Variants in GRIK2 observed in about 807,000 individuals in gnomAD.
GRIK2 encodes glutamate ionotropic receptor kainate type subunit 2.
GRIK2 carries 32 observed loss-of-function variants against 100.3 expected under a neutral mutation model. The ratio of observed to expected loss-of-function variants is 0.32; its 90% CI spans 0.24 to 0.43. The LOEUF is 0.43. Ranked by LOEUF, GRIK2 falls within the 20% of genes least tolerant of loss-of-function variation. The pLI is 1.00. For synonymous variants in GRIK2, 417 were observed against 389.4 expected (o/e 1.07, Z -0.83); for missense variants, 843 against 1,114.9 (o/e 0.76, Z 3.47).
At chr6:101,692,546 A>G (rs1415508021) in intron 7 of GRIK2, among the ~76,000 whole-genome samples, 1 of 152,100 alleles carries the variant, frequency 6.6e-6, no homozygotes, top group Non-Finnish European at 1.5e-5. Flanking sequence ...CTTTGTTGAT[A>G]TAACAATTAT....
intron 14 of GRIK2, among the ~76,000 whole-genome samples, chr6:101,947,254 C>T (rs945163298): frequency 6.6e-6 from 1 of 152,034 alleles, no homozygotes; most frequent in African/African-American, 2.4e-5. Flanking sequence ...GGTGATTCTT[C>T]TTCCTATTCT....
chr6:101,738,272 TAATTGTAATTGTC>T (rs137908557), intron 7 of GRIK2, among the ~76,000 whole-genome samples: 10,950 of 141,506 alleles, frequency 0.077, 447 homozygotes, highest in East Asian at 0.16. Flanking sequence ...ATGTCAATTG[TAATTGTAATTGTC>T]AATTGTAATT....
At chr6:101,749,803 C>CTTTTTTTT (rs989554915) in intron 7 of GRIK2, among the ~76,000 whole-genome samples, 33 of 92,550 alleles carry the variant, frequency 3.6e-4, no homozygotes, top group African/African-American at 1.1e-3. Flanking sequence ...GTGCCAGTTT[C>CTTTTTTTT]TTTTTTTTTT....
chr6:101,418,030 C>G lies in GRIK2; in HGVS notation c.115+18638C>G, dbSNP rs145811108. ...ATGCAGAGTTCTGTGTGTTTATTGACTACTAGCGTCAGCTTCTGTGCAGCT... is the reference window on the plus strand; with the variant it reads ...ATGCAGAGTTCTGTGTGTTTATTGAGTACTAGCGTCAGCTTCTGTGCAGCT... On this transcript the variant is annotated intron_variant, in intron 2 of 16. Transcript: ENST00000369134. 2.0e-5 allele frequency among the ~76,000 whole-genome samples: 3 copies of G among 152,308 alleles called. No homozygotes were observed. In the East Asian group the frequency reaches 5.8e-4, roughly 29 times the overall value.
chr6:101,509,020 TG>T (rs1442957246), intron 2 of GRIK2, among the ~76,000 whole-genome samples: 3 of 151,730 alleles, frequency 2.0e-5, no homozygotes, highest in Non-Finnish European at 4.4e-5. Flanking sequence ...AAGCTGGGCA[TG>T]GGGGCGGGCA....
intron 10 of GRIK2, among the ~76,000 whole-genome samples, chr6:101,825,619 TTTATG>T (rs1319299133): frequency 1.3e-5 from 2 of 152,080 alleles, no homozygotes; most frequent in African/African-American, 4.8e-5. Context: ...CAGTTTTGCC[TTTATG>T]TTATTTTTTA....
At chr6:101,422,550 T>C (rs1037406658) in intron 2 of GRIK2, among the ~76,000 whole-genome samples, 4 of 152,064 alleles carry the variant, frequency 2.6e-5, no homozygotes, top group Non-Finnish European at 5.9e-5. Flanking sequence ...CCTGATGAAG[T>C]CCTTTTTGTT....
chr6:101,928,159 G>T, intron 13 of GRIK2: 8 of 445,542 alleles, frequency 1.8e-5, no homozygotes, highest in East Asian at 7.4e-5. Context: ...TATTTTAATT[G>T]GAACTTTGCA....
intron 10 of GRIK2, among the ~76,000 whole-genome samples, chr6:101,846,110 G>T (rs1439503203): frequency 6.6e-6 from 1 of 151,332 alleles, no homozygotes; most frequent in African/African-American, 2.4e-5. Context: ...TCTTTAGTTT[G>T]TCTTTTCATT....
At chr6:101,636,095 A>T (rs1780995995) in intron 4 of GRIK2, among the ~76,000 whole-genome samples, 1 of 152,170 alleles carries the variant, frequency 6.6e-6, no homozygotes, top group South Asian at 2.1e-4. Flanking sequence ...AGACAGAATC[A>T]ACCCAAATGC....
chr6:101,857,278 TG>T lies in GRIK2; in HGVS notation c.1318-2007del, dbSNP rs112216256. ...AGTCCAGCAGAGCAGGGAGATAAAA[TG>T]GTCATTCTAAAAATCAGGTGAAGAT... On this transcript the variant is annotated intron_variant, in intron 10 of 16. Transcript: ENST00000369134. 1.9e-3 allele frequency among the ~76,000 whole-genome samples: 294 copies of T among 152,222 alleles called. 3 individuals are homozygous for T. Among genetic ancestry groups the T allele is most frequent in the African/African-American group, 6.6e-3 (275 of 41,538 alleles).
chr6:101,627,654 G>C (rs1780525745), intron 4 of GRIK2, among the ~76,000 whole-genome samples: 1 of 152,102 alleles, frequency 6.6e-6, no homozygotes, highest in South Asian at 2.1e-4. Flanking sequence ...CTCATATGTG[G>C]AACAATATAA....
At chr6:101,692,797 C>A (rs1772203002) in intron 7 of GRIK2, among the ~76,000 whole-genome samples, 1 of 151,922 alleles carries the variant, frequency 6.6e-6, no homozygotes, top group East Asian at 1.9e-4. Flanking sequence ...GTTGTTACCA[C>A]AGAAAAAACA....
chr6:101,753,150 CG>C (rs1776896283), intron 7 of GRIK2, among the ~76,000 whole-genome samples: 2 of 151,792 alleles, frequency 1.3e-5, no homozygotes, highest in Non-Finnish European at 2.9e-5. Context: ...GGCGTGGTGG[CG>C]GGCGCCTGTA....
At chr6:101,707,416 A>G (rs1293459691) in intron 7 of GRIK2, among the ~76,000 whole-genome samples, 1 of 148,180 alleles carries the variant, frequency 6.7e-6, no homozygotes, top group Admixed American at 6.8e-5. Context: ...CAGTATACAT[A>G]TATAAATATA....
At chr6:101,850,469 C>A (rs1269331272) in intron 10 of GRIK2, among the ~76,000 whole-genome samples, 2 of 152,012 alleles carry the variant, frequency 1.3e-5, no homozygotes, top group East Asian at 3.9e-4. Flanking sequence ...ATGAGTAAGA[C>A]ACTGATATCT....
chr6:102,006,524 C>T (rs1392662674), intron 14 of GRIK2, among the ~76,000 whole-genome samples: 1 of 151,502 alleles, frequency 6.6e-6, no homozygotes, highest in Non-Finnish European at 1.5e-5. Context: ...TACACCTCCA[C>T]TCCTGGCTAA....
At chr6:101,428,499 A>G (rs992838361) in intron 2 of GRIK2, among the ~76,000 whole-genome samples, 33 of 152,226 alleles carry the variant, frequency 2.2e-4, no homozygotes, top group African/African-American at 8.0e-4. Flanking sequence ...GGATTAAAGA[A>G]TATCACATTC....
At chr6:101,854,573 TA>T (rs911555138) in intron 10 of GRIK2, among the ~76,000 whole-genome samples, 1 of 151,150 alleles carries the variant, frequency 6.6e-6, no homozygotes, top group Non-Finnish European at 1.5e-5. Context: ...GTCTATCACT[TA>T]AAAAAAAAGA....
Sources: gnomAD v4.1 joint callset for allele counts (sites outside exome capture counted in the v4.1 genomes callset) on GRCh38, gnomAD v4.1.1 for gene constraint, MANE v1.5 for transcripts, NCBI Gene and HGNC (gene_info 2026-07-23, HGNC 2026-07-21) for gene names.